The following STAG3 variants were observed in gnomAD, a reference collection of about 807,000 sequenced individuals.
STAG3 encodes cohesin subunit SA-3.
Under a neutral mutation model 160.7 loss-of-function variants are expected in STAG3, and 101 were observed. That is an observed-to-expected ratio of 0.63 (90% confidence interval 0.54 to 0.74). The LOEUF (loss-of-function observed/expected upper bound fraction) is 0.74. STAG3 is among the 30% of genes least tolerant of loss of function. The probability of loss-of-function intolerance (pLI) is 0.00; values close to 1 mark genes in which losing one functional copy is unlikely to be tolerated. For synonymous variants in STAG3, 519 were observed against 585.0 expected, an observed-to-expected ratio of 0.89 and a Z score of 1.63; for missense variants, 1,188 against 1,517.4, an observed-to-expected ratio of 0.78 and a Z score of 3.61.
At chr7:100,217,410 G>A (rs1230786384), downstream of STAG3, among the ~76,000 whole-genome samples, 4 of 152,246 alleles carry the variant, frequency 2.6e-5, no homozygotes, top group Admixed American at 6.5e-5. Context: ...GCCCAGCCTG[G>A]TAAGTGATGC....
At chr7:100,178,294 C>T (rs968522986) in intron 1 of STAG3, among the ~76,000 whole-genome samples, 2 of 152,130 alleles carry the variant, frequency 1.3e-5, no homozygotes, top group African/African-American at 2.4e-5. Context: ...ATAGGAAACG[C>T]GCACCTGCCT....
Position 100,198,552 on chromosome 7 carries a change from C to T in STAG3, c.1322C>T (p.Ala441Val). Residue 441 changes from alanine (A) to valine (V), a missense_variant, in exon 13 of 34, where the codon GCC becomes GTC. Around this residue, in one of 4 missense-constraint regions of STAG3, gnomAD observed 240 missense variants for 358.1 expected, o/e 0.67. Transcript: ENST00000615138. ...GTGTATGCCTCTCATCGAGGCCTGG[C>T]CTCTGCCGCAGGCGAATTTCTGTAC... The part of the protein sequence containing the change: ...PVVYASHRGL[A>V]SAAGEFLYWK... 1 of 1,614,012 alleles carries T rather than the reference C, an allele frequency of 6.2e-7. No homozygotes were observed. The highest frequency in any genetic ancestry group is 8.5e-7 in the Non-Finnish European group (1 of 1,180,028).
chr7:100,202,113 T>C (rs1302247779), intron 23 of STAG3, 59 bp from the exon 24 acceptor site: 12 of 1,609,018 alleles, frequency 7.5e-6, no homozygotes, highest in Admixed American at 1.7e-5. Flanking sequence ...ATTGACAGTG[T>C]CATTTCTACC....
intron 18 of STAG3, 51 bp downstream of exon 18, chr7:100,200,593 G>A: frequency 6.3e-7 from 1 of 1,589,518 alleles, no homozygotes; most frequent in Non-Finnish European, 8.6e-7. Flanking sequence ...AGGGCCAAAG[G>A]GTTCTATTGC....
At chr7:100,211,947 T>G (rs1802258461) in intron 32 of STAG3, 71 bp downstream of exon 32, 1 of 1,421,202 alleles carries the variant, frequency 7.0e-7, no homozygotes. Context: ...CCAGGGTGTT[T>G]CCCCTCTCTC....
rs139191063 is a variant in STAG3 at position 100,182,478 on chromosome 7, G to T, written c.220-245G>T. Among the ~76,000 whole-genome samples, 595 of 152,052 alleles carry T rather than the reference G, an allele frequency of 3.9e-3. 5 individuals are homozygous for T. Among genetic ancestry groups the T allele is most frequent in the African/African-American group, 0.014 (569 of 41,434 alleles). ...AAGAAGAGAAATTTTGAAGAGAAAA[G>T]AAGAGAAAAGGACGTTAGGATGTAG... On this transcript the variant is annotated intron_variant, in intron 3 of 33. Coordinates refer to ENST00000615138, the MANE Select transcript of STAG3 (RefSeq NM_001282717.2).
intron 8 of STAG3, among the ~76,000 whole-genome samples, chr7:100,193,156 G>C (rs565412386): frequency 9.2e-5 from 14 of 152,254 alleles, no homozygotes; most frequent in Non-Finnish European, 1.8e-4. Flanking sequence ...TGAGCAGTAG[G>C]CCTCACCCAT....
chr7:100,196,320 G>A (rs1371850169), intron 9 of STAG3, among the ~76,000 whole-genome samples: 1 of 150,304 alleles, frequency 6.7e-6, no homozygotes. Flanking sequence ...TCACTGTGTT[G>A]CCCAGGCTGG....
chr7:100,180,756 G>C, intron 2 of STAG3, 84 bp downstream of exon 2: 1 of 835,268 alleles, frequency 1.2e-6, no homozygotes, highest in South Asian at 1.4e-5. Flanking sequence ...GATAATATGC[G>C]TGGGACTGTG....
At chr7:100,189,040 A>C (rs1337850544) in intron 7 of STAG3, 24 bp downstream of exon 7, 1 of 1,612,480 alleles carries the variant, frequency 6.2e-7, no homozygotes. Context: ...TTTACTCTGG[A>C]CATTCTCCTG....
At position 100,198,921 on chromosome 7, in the gene STAG3, C is replaced by T. The variant is rs774671511; in HGVS notation, c.1431C>T (p.Phe477=). The change falls in exon 14 of 34, where the codon TTC becomes TTT. Residue 477 remains phenylalanine, a synonymous_variant. Transcript: ENST00000615138. The part of the protein sequence containing the change: ...QRQSPGAQRT[F]FQLLLSFFVE... Reference sequence around the variant, plus strand: ...AGAGCCCAGGCGCCCAGAGGACTTTCTTCCAGCTTCTGCTGTCCTTCTTTG... The same window carrying T: ...AGAGCCCAGGCGCCCAGAGGACTTTTTTCCAGCTTCTGCTGTCCTTCTTTG... 5.0e-6 allele frequency: 8 copies of T among 1,612,130 alleles called. No homozygotes were observed. The Admixed American group carries it at 1.0e-4, about 20-fold the overall frequency.
intron 29 of STAG3, among the ~76,000 whole-genome samples, chr7:100,208,597 G>A (rs1801878172): frequency 6.6e-6 from 1 of 152,212 alleles, no homozygotes; most frequent in Non-Finnish European, 1.5e-5. Flanking sequence ...GCAAAGCATA[G>A]AAGGCTGTGT....
In STAG3 at chr7:100,201,146, CTCTG is replaced by C; in HGVS notation, c.2119_2122del (p.Ser707ProfsTer8). The C allele has an allele frequency of 6.2e-7, 1 of 1,614,244 alleles. No homozygotes were observed. The highest frequency in any genetic ancestry group is 8.5e-7 in the Non-Finnish European group (1 of 1,180,044). ...ATCTGGCAGCCACTCTGAAACGCCT[CTCTG>C]CCTTCTACAAGTGAGTGGCTTTCCT... On this transcript the variant is annotated frameshift_variant, in exon 20 of 34. Transcript: ENST00000615138. LOFTEE classifies it high-confidence loss of function.
intron 21 of STAG3, 162 bp downstream of exon 21, chr7:100,201,513 G>A: frequency 1.5e-6 from 1 of 657,320 alleles, no homozygotes; most frequent in African/African-American, 1.8e-5. Flanking sequence ...CTCTTAGAAG[G>A]TGGACTCTAC....
At chr7:100,179,315 T>A (rs1296064252) in intron 1 of STAG3, among the ~76,000 whole-genome samples, 1 of 150,384 alleles carries the variant, frequency 6.6e-6, no homozygotes, top group East Asian at 2.0e-4. Flanking sequence ...CTCAAACTGC[T>A]GGGCTCAAGC....
At chr7:100,213,700 A>T (rs1204664674) in intron 32 of STAG3, 35 bp from the exon 33 acceptor site, 16 of 1,614,008 alleles carry the variant, frequency 9.9e-6, no homozygotes, top group Non-Finnish European at 1.4e-5. Context: ...GGAGTGTGTA[A>T]AGGCCTTTTT....
Position 100,211,886 on chromosome 7 carries a change from C to A in STAG3, c.3600+10C>A. On this transcript the variant is annotated intron_variant, in intron 32 of 33. Transcript: ENST00000615138. The stretch of plus-strand genomic sequence containing the variant: ...GCAGGATACAGACATGGTGAGTAGA[C>A]CACCCTGCCCTTCTCTCTCAAGAAC... The A allele has an allele frequency of 1.2e-6, 2 of 1,612,600 alleles. No individual in the cohort carries two copies. Among genetic ancestry groups the A allele is most frequent in the South Asian group, 1.1e-5 (1 of 90,934 alleles).
chr7:100,197,015 C>G (rs537280441), intron 9 of STAG3, 141 bp from the exon 10 acceptor site: 1 of 618,426 alleles, frequency 1.6e-6, no homozygotes, highest in African/African-American at 1.9e-5. Flanking sequence ...GTATTTACAT[C>G]GGGAGGAAGA....
At chr7:100,178,040 G>A (rs1799383948) in intron 1 of STAG3, 35 bp downstream of exon 1, 1 of 147,186 alleles carries the variant, frequency 6.8e-6, no homozygotes, top group Non-Finnish European at 1.5e-5. Flanking sequence ...TCGGCCAGAA[G>A]TCACTCTTCC....
Sources: allele counts gnomAD v4.1 joint callset (sites outside exome capture counted in the v4.1 genomes callset), GRCh38; gene constraint gnomAD v4.1.1; regional missense constraint gnomAD v4.1.1; transcripts MANE v1.5; gene names NCBI Gene and HGNC (gene_info 2026-07-23, HGNC 2026-07-21).